The following MAGI2 variants were observed in gnomAD, a reference collection of about 807,000 sequenced individuals.
The protein encoded by MAGI2 is membrane associated guanylate kinase, WW and PDZ domain containing 2.
A neutral mutation model predicts 133.3 loss-of-function variants in MAGI2; 35 were observed. The observed-to-expected ratio is 0.26, with a 90% CI of 0.20 to 0.35. MAGI2 has a LOEUF of 0.35. Among genes scored for constraint, MAGI2 ranks in the 10% least tolerant of loss-of-function variants. MAGI2 has a pLI of 1.00. For missense variants in MAGI2, 1,636 were observed against 1,863.4 expected (o/e 0.88, Z 2.25); for synonymous variants, 729 against 710.6 (o/e 1.03, Z -0.41).
chr7:78,215,164 A>T (rs141990532), intron 10 of MAGI2, among the ~76,000 whole-genome samples: 159 of 152,322 alleles, frequency 1.0e-3, no homozygotes, highest in African/African-American at 3.6e-3. Context: ...AAAGTGATTC[A>T]GGGAAGGGAA....
At chr7:78,732,164 A>G (rs1256935199) in intron 2 of MAGI2, among the ~76,000 whole-genome samples, 1 of 152,146 alleles carries the variant, frequency 6.6e-6, no homozygotes, top group Non-Finnish European at 1.5e-5. Flanking sequence ...CCTGCTGTTT[A>G]TGTTGTCACC....
chr7:78,935,073 G>A (rs1483673572), intron 2 of MAGI2, among the ~76,000 whole-genome samples: 1 of 152,094 alleles, frequency 6.6e-6, no homozygotes, highest in African/African-American at 2.4e-5. Flanking sequence ...ATTACCTGTT[G>A]CTAAAAATGC....
At chr7:78,710,458 C>A (rs1048570520) in intron 2 of MAGI2, among the ~76,000 whole-genome samples, 1 of 152,090 alleles carries the variant, frequency 6.6e-6, no homozygotes, top group African/African-American at 2.4e-5. Context: ...ACTCTTGACC[C>A]ATTCTTAGAG....
chr7:79,208,818 G>A (rs1017681573), intron 1 of MAGI2, among the ~76,000 whole-genome samples: 3 of 151,838 alleles, frequency 2.0e-5, no homozygotes, highest in African/African-American at 7.3e-5. Context: ...AAAAAATATG[G>A]CATATATACA....
chr7:78,327,704 A>G (rs1788727102), intron 9 of MAGI2, among the ~76,000 whole-genome samples: 1 of 152,222 alleles, frequency 6.6e-6, no homozygotes, highest in Non-Finnish European at 1.5e-5. Flanking sequence ...AGGTTTGCTG[A>G]ATAAATGAAT....
At chr7:79,064,889 C>G (rs777335253) in intron 1 of MAGI2, among the ~76,000 whole-genome samples, 3 of 152,072 alleles carry the variant, frequency 2.0e-5, no homozygotes, top group Non-Finnish European at 4.4e-5. Flanking sequence ...TTGTTCACTG[C>G]TTCCTCTTTG....
intron 2 of MAGI2, among the ~76,000 whole-genome samples, chr7:78,640,299 A>C (rs1471214128): frequency 6.6e-6 from 1 of 152,176 alleles, no homozygotes; most frequent in Non-Finnish European, 1.5e-5. Flanking sequence ...AAAAAACAAA[A>C]AACAAAAAAC....
chr7:78,620,839 A>G (rs1235728275), intron 3 of MAGI2, among the ~76,000 whole-genome samples: 1 of 152,042 alleles, frequency 6.6e-6, no homozygotes, highest in Non-Finnish European at 1.5e-5. Flanking sequence ...TTTAAAAACA[A>G]AACAGCCTAA....
intron 3 of MAGI2, among the ~76,000 whole-genome samples, chr7:78,526,894 G>A (rs890808202): frequency 8.6e-5 from 13 of 150,924 alleles, no homozygotes; most frequent in African/African-American, 3.2e-4. Flanking sequence ...TGTAGTCCCA[G>A]CTACTAAGGA....
intron 2 of MAGI2, among the ~76,000 whole-genome samples, chr7:78,816,788 C>A (rs142438804): frequency 1.3e-5 from 2 of 152,254 alleles, no homozygotes; most frequent in East Asian, 3.9e-4. Context: ...CACTTGGTCA[C>A]CCAAGAACTC....
chr7:79,165,112 C>T (rs768059973), intron 1 of MAGI2, among the ~76,000 whole-genome samples: 4 of 151,620 alleles, frequency 2.6e-5, no homozygotes, highest in Non-Finnish European at 4.4e-5. Flanking sequence ...CACTGAACAG[C>T]ATCTTGTAGA....
intron 9 of MAGI2, among the ~76,000 whole-genome samples, chr7:78,308,189 G>A (rs1798400162): frequency 6.6e-6 from 1 of 152,168 alleles, no homozygotes; most frequent in South Asian, 2.1e-4. Flanking sequence ...ATATAGGAGA[G>A]CTTCCTTGTT....
intron 3 of MAGI2, among the ~76,000 whole-genome samples, chr7:78,530,403 T>C (rs1301425822): frequency 2.0e-5 from 3 of 152,232 alleles, no homozygotes; most frequent in Admixed American, 2.0e-4. Flanking sequence ...TTTTTAACTT[T>C]ATTATTAAGA....
rs958648492 is a variant in MAGI2 at position 79,253,900 on chromosome 7, T to A, written c.301+199120A>T. Among the ~76,000 whole-genome samples, 37 of 152,298 alleles carry A rather than the reference T, an allele frequency of 2.4e-4. 1 individual carries two copies. The highest frequency in any genetic ancestry group is 2.1e-4 in the South Asian group (1 of 4,828). On this transcript the variant is annotated intron_variant, in intron 1 of 21. Coordinates refer to ENST00000354212, the MANE Select transcript of MAGI2 (RefSeq NM_012301.4). ...CACATATAGTCTGCCAAGTTGACTA[T>A]AGGATAAGTACCTTGAAATGAAACA...
intron 2 of MAGI2, among the ~76,000 whole-genome samples, chr7:78,946,004 A>T (rs1801388414): frequency 6.6e-6 from 1 of 152,128 alleles, no homozygotes; most frequent in Admixed American, 6.6e-5. Flanking sequence ...TCAACATCTT[A>T]GTGTCTGGTG....
intron 6 of MAGI2, among the ~76,000 whole-genome samples, chr7:78,475,607 A>T (rs1791665680): frequency 6.6e-6 from 1 of 151,950 alleles, no homozygotes; most frequent in South Asian, 2.1e-4. Flanking sequence ...ATTATCTAGA[A>T]ATAATAACAT....
chr7:79,128,046 T>C (rs1820589189), intron 1 of MAGI2, among the ~76,000 whole-genome samples: 1 of 152,212 alleles, frequency 6.6e-6, no homozygotes, highest in Non-Finnish European at 1.5e-5. Flanking sequence ...GCACCATTTA[T>C]TAAATAGGGA....
At chr7:78,568,857 C>G (rs1563181601) in intron 3 of MAGI2, among the ~76,000 whole-genome samples, 1 of 152,174 alleles carries the variant, frequency 6.6e-6, no homozygotes, top group Non-Finnish European at 1.5e-5. Context: ...TGTTCCAGAG[C>G]CCAAGTCCTT....
At chr7:78,744,948 AAT>A (rs1822781456) in intron 2 of MAGI2, among the ~76,000 whole-genome samples, 1 of 152,224 alleles carries the variant, frequency 6.6e-6, no homozygotes, top group Non-Finnish European at 1.5e-5. Context: ...TCCTGTTTGT[AAT>A]AATAGTTAGA....
Sources: gnomAD v4.1 joint callset for allele counts (sites outside exome capture counted in the v4.1 genomes callset) on GRCh38, gnomAD v4.1.1 for gene constraint, MANE v1.5 for transcripts, NCBI Gene and HGNC (gene_info 2026-07-23, HGNC 2026-07-21) for gene names.